The following SCAF11 variants were observed in gnomAD, a reference collection of about 807,000 sequenced individuals.
SCAF11 encodes SR-related CTD associated factor 11.
SCAF11 carries 47 observed loss-of-function variants against 140.5 expected under a neutral mutation model. That is an observed-to-expected ratio of 0.33 (90% CI 0.26 to 0.43). The LOEUF (loss-of-function observed/expected upper bound fraction) is 0.43, where lower values mean the gene tolerates loss of function less well. SCAF11 is among the 20% of genes least tolerant of loss of function. The pLI is 1.00. For missense variants in SCAF11, 1,645 were observed against 1,705.1 expected, an observed-to-expected ratio of 0.96 and a Z score of 0.62; for synonymous variants, 557 against 579.4, an observed-to-expected ratio of 0.96 and a Z score of 0.55.
chr12:45,941,997 C>A (rs1945313698), intron 6 of SCAF11, among the ~76,000 whole-genome samples: 1 of 152,206 alleles, frequency 6.6e-6, no homozygotes, highest in Non-Finnish European at 1.5e-5. Flanking sequence ...TATGATGATC[C>A]ACTTCTGCTC....
intron 5 of SCAF11, 47 bp from the exon 6 acceptor site, chr12:45,945,360 A>G (rs760138206): frequency 8.8e-7 from 1 of 1,130,714 alleles, no homozygotes; most frequent in Non-Finnish European, 1.3e-6. Flanking sequence ...AAAAACTGTC[A>G]TTTTGCTCAC....
chr12:45,970,792 A>T (rs1160936256), intron 1 of SCAF11, among the ~76,000 whole-genome samples: 1 of 152,234 alleles, frequency 6.6e-6, no homozygotes, highest in Non-Finnish European at 1.5e-5. Flanking sequence ...AGCTGAAGTC[A>T]CCCACATTTA....
At chr12:45,922,653 T>C (rs1187071830) in intron 13 of SCAF11, 71 bp from the exon 14 acceptor site, 7 of 1,400,308 alleles carry the variant, frequency 5.0e-6, no homozygotes, top group African/African-American at 2.9e-5. Context: ...AAACAAGAAA[T>C]TGAAAATACT....
chr12:45,945,176 G>GAA (rs1945391223), intron 6 of SCAF11, 73 bp downstream of exon 6: 1 of 865,244 alleles, frequency 1.2e-6, no homozygotes, highest in Admixed American at 2.1e-5. Flanking sequence ...TTACTGATGA[G>GAA]AACTCTGACA....
At chr12:45,923,403 G>A (rs905330338) in intron 12 of SCAF11, among the ~76,000 whole-genome samples, 1 of 152,070 alleles carries the variant, frequency 6.6e-6, no homozygotes, top group African/African-American at 2.4e-5. Context: ...CATTTTGACA[G>A]CAATACTAAA....
rs934896935 is a variant in SCAF11 at position 45,920,674 on chromosome 12, CCT to C, written c.*1372_*1373del. 6.6e-6 allele frequency: 1 copy of C among 152,324 alleles called. No homozygotes were observed. Among genetic ancestry groups the C allele is most frequent in the East Asian group, 1.9e-4 (1 of 5,194 alleles). 9.4% of individuals were successfully genotyped at this position (152,324 alleles called of 1,614,324 possible). On this transcript the variant is annotated 3_prime_UTR_variant, in exon 15 of 15. Transcript: ENST00000369367. ...CCAGGACTCCATTATTTAAATTTCC[CCT>C]CTGTTTCTAAAACACAGGTTTTACT... is the stretch of plus-strand genomic sequence containing the variant.
chr12:45,958,505 G>C (rs1945751110), intron 3 of SCAF11, among the ~76,000 whole-genome samples: 1 of 152,112 alleles, frequency 6.6e-6, no homozygotes, highest in Non-Finnish European at 1.5e-5. Context: ...GGATCTAACA[G>C]TTATGGTTTA....
At chr12:45,982,213 T>A (rs1445533960) in intron 1 of SCAF11, among the ~76,000 whole-genome samples, 1 of 152,168 alleles carries the variant, frequency 6.6e-6, no homozygotes, top group East Asian at 1.9e-4. Flanking sequence ...GCACAACAGT[T>A]TCTAAAGAAA....
intron 1 of SCAF11, among the ~76,000 whole-genome samples, chr12:45,977,606 A>G (rs1946264538): frequency 6.6e-6 from 1 of 152,180 alleles, no homozygotes; most frequent in African/African-American, 2.4e-5. Context: ...CTAACATGAG[A>G]GCAATTTTTT....
chr12:45,924,936 A>T lies in SCAF11; in HGVS notation c.3698T>A (p.Val1233Glu), dbSNP rs1456048252. ...HQPMNIFPYP[V>E]GVHAPLMNIQ... ...GTTCATCAAAGGAGCATGAACACCC[A>T]CTGGATATGGGAAGATATTCATAGG... The change falls in exon 12 of 15, where the codon GTG becomes GAG. Residue 1233 changes from valine to glutamate, a missense_variant. Around this residue, in one of 2 missense-constraint regions of SCAF11, gnomAD observed 1,582 missense variants for 1,609.2 expected, o/e 0.98. Coordinates refer to ENST00000369367, the MANE Select transcript of SCAF11 (RefSeq NM_004719.3). 3 of 1,614,076 alleles carry T rather than the reference A, an allele frequency of 1.9e-6. No individual in the cohort carries two copies. The African/African-American group carries it at 4.0e-5, about 22-fold the overall frequency.
chr12:45,937,915 C>G (rs1270323567), intron 6 of SCAF11, among the ~76,000 whole-genome samples: 1 of 152,136 alleles, frequency 6.6e-6, no homozygotes, highest in East Asian at 1.9e-4. Context: ...TCTTCAGGAT[C>G]TAAAGATTTT....
intron 1 of SCAF11, among the ~76,000 whole-genome samples, chr12:45,967,979 G>A (rs1273032586): frequency 1.3e-5 from 2 of 152,170 alleles, no homozygotes; most frequent in Non-Finnish European, 2.9e-5. Context: ...ACCACACAGA[G>A]TCATAGTCCT....
chr12:45,948,358 C>T lies in SCAF11; in HGVS notation c.398+79G>A, dbSNP rs192877552. 5.5e-6 allele frequency: 5 copies of T among 911,610 alleles called. No individual in the cohort carries two copies. In the African/African-American group the frequency reaches 6.8e-5, roughly 12 times the overall value. The allele number at this position is 911,610 out of a possible 1,614,324, so 56.5% of individuals were successfully genotyped here. A position where few individuals can be genotyped will look rare whatever the true frequency, so the allele number is the denominator to read the frequency against. Reference sequence around the variant, plus strand: ...GATTAAATACATTTAAACCCCACTTCATTTTTTTAATACCTTTTTTGTACT... The same window carrying T: ...GATTAAATACATTTAAACCCCACTTTATTTTTTTAATACCTTTTTTGTACT... On this transcript the variant is annotated intron_variant, in intron 5 of 14. Coordinates refer to ENST00000369367, the MANE Select transcript of SCAF11 (RefSeq NM_004719.3).
chr12:45,939,172 A>C (rs569545778), intron 6 of SCAF11, among the ~76,000 whole-genome samples: 1 of 151,694 alleles, frequency 6.6e-6, no homozygotes, highest in Non-Finnish European at 1.5e-5. Context: ...ACTGTACAAA[A>C]CTCAAGGGGC....
Position 45,990,539 on chromosome 12 carries a change from T to A in SCAF11, c.-208A>T. 8.1e-7 allele frequency: 1 copy of A among 1,231,772 alleles called. No individual in the cohort carries two copies. The highest frequency in any genetic ancestry group is 1.0e-6 in the Non-Finnish European group (1 of 988,154). 76.3% of individuals were successfully genotyped at this position (1,231,772 alleles called of 1,614,324 possible). A position where few individuals can be genotyped will look rare whatever the true frequency, so the allele number is the denominator to read the frequency against. The stretch of plus-strand genomic sequence containing the variant: ...GCGGCGAAGCAGGGAGCGACCCAGG[T>A]TGCGCTGCTCCGCGCGGCTTAAGCC... On this transcript the variant is annotated 5_prime_UTR_variant, in exon 1 of 15. Transcript: ENST00000369367.
rs1945553106 is a variant in SCAF11 at position 45,951,680 on chromosome 12, A to C, written c.267T>G (p.Phe89Leu). Residue 89 changes from phenylalanine to leucine, a missense_variant, in exon 4 of 15, where the codon TTT (phenylalanine) becomes TTG (leucine). Physicochemically the swap from Phe to Leu is conservative, Grantham distance 22. Transcript: ENST00000369367. ...CATAACCTTCCAATGCACTGAATTTAAACACTGCCTGAAAAGGTTTACGGT... is the reference window on the plus strand; with the variant it reads ...CATAACCTTCCAATGCACTGAATTTCAACACTGCCTGAAAAGGTTTACGGT... ...PIDRKPFQAV[F>L]KFSALEGYVK... 6.3e-7 allele frequency: 1 copy of C among 1,593,234 alleles called. No homozygotes were observed. Among genetic ancestry groups the C allele is most frequent in the African/African-American group, 1.3e-5 (1 of 74,684 alleles).
chr12:45,981,316 A>C (rs1242063726), intron 1 of SCAF11, among the ~76,000 whole-genome samples: 1 of 152,210 alleles, frequency 6.6e-6, no homozygotes, highest in Non-Finnish European at 1.5e-5. Context: ...ACGATGAATG[A>C]ACTCATCCCT....
Position 45,926,879 on chromosome 12 carries a change from G to A in SCAF11, c.2822C>T (p.Ser941Phe), listed in dbSNP as rs1435334100. The change falls in exon 11 of 15, where the codon TCC becomes TTC. Residue 941 changes from serine to phenylalanine, a missense_variant. By Grantham distance (155) the Ser-to-Phe change is radical. Transcript: ENST00000369367. ...ACTTTTTGTTCTACATCTTGAGGGG[G>A]ACCTAGAATGAGATCTGGACCTAGA... is the stretch of plus-strand genomic sequence containing the variant. ...KWSRSRSHSR[S>F]PSRCRTKSKS... is the part of the protein sequence containing the mutation. The A allele has an allele frequency of 1.9e-6, 3 of 1,613,784 alleles. No individual in the cohort carries two copies. Among genetic ancestry groups the A allele is most frequent in the South Asian group, 2.2e-5 (2 of 91,072 alleles).
Position 45,924,791 on chromosome 12 carries a change from G to T in SCAF11, c.3843C>A (p.Pro1281=). Residue 1281 remains proline, a synonymous_variant, in exon 12 of 15, where the codon CCC becomes CCA. Coordinates refer to ENST00000369367, the MANE Select transcript of SCAF11 (RefSeq NM_004719.3). ...SVSQGLPPPP[P]PPPPSQQVNY... ...TGACTTGTTGGGATGGTGGGGGAGG[G>T]GGTGGTGGTGGTGGTAGTCCCTGAG... The T allele has an allele frequency of 6.2e-7, 1 of 1,607,242 alleles. No homozygotes were observed. Among genetic ancestry groups the T allele is most frequent in the East Asian group, 2.2e-5 (1 of 44,776 alleles).
Sources: gnomAD v4.1 joint callset for allele counts (sites outside exome capture counted in the v4.1 genomes callset) on GRCh38, gnomAD v4.1.1 for gene constraint, gnomAD v4.1.1 regional missense constraint, MANE v1.5 for transcripts, NCBI Gene and HGNC (gene_info 2026-07-23, HGNC 2026-07-21) for gene names.